Variants in MRPS11 observed in about 807,000 individuals in gnomAD.
The protein encoded by MRPS11 is mitochondrial ribosomal protein S11, also known as small ribosomal subunit protein uS11m.
MRPS11 carries 27 observed loss-of-function variants against 24.3 expected under a neutral mutation model. The observed-to-expected ratio is 1.11, with a 90% confidence interval of 0.82 to 1.53. The LOEUF (loss-of-function observed/expected upper bound fraction) is 1.53. Among genes scored for constraint, MRPS11 ranks in the 40% most tolerant of loss-of-function variants. The pLI is 0.00. For missense variants in MRPS11, 277 were observed against 256.5 expected, an observed-to-expected ratio of 1.08 and a Z score of -0.55; for synonymous variants, 104 against 98.7, an observed-to-expected ratio of 1.05 and a Z score of -0.32.
rs1327801161 is a variant in MRPS11 at position 88,479,788 on chromosome 15, A to C, written c.*1809A>C. 6.6e-6 allele frequency: 1 copy of C among 152,298 alleles called. No homozygotes were observed. Among genetic ancestry groups the C allele is most frequent in the African/African-American group, 2.4e-5 (1 of 41,476 alleles). 9.4% of individuals were successfully genotyped at this position (152,298 alleles called of 1,614,324 possible). A position where few individuals can be genotyped will look rare whatever the true frequency, so the allele number is the denominator to read the frequency against. ...GGGCCCGTAGCCATCAGACAGTTCA[A>C]TCAGGGTCTGAGCAGGAAACAGCTC... On this transcript the variant is annotated 3_prime_UTR_variant, in exon 6 of 6. Coordinates refer to ENST00000325844, the MANE Select transcript of MRPS11 (RefSeq NM_022839.5).
rs2055872693 is a variant in MRPS11, at chr15:88,478,645, TCCC to T, written c.*667_*669del. 1 of 152,732 alleles carries T rather than the reference TCCC, an allele frequency of 6.5e-6. No homozygotes were observed. The highest frequency in any genetic ancestry group is 1.5e-5 in the Non-Finnish European group (1 of 68,474). The allele number at this position is 152,732 out of a possible 1,614,324, so 9.5% of individuals were successfully genotyped here. A position where few individuals can be genotyped will look rare whatever the true frequency, so the allele number is the denominator to read the frequency against. ...GTTTACACTCCATGGGCTTCAGCAG[TCCC>T]AGCACTAACGAGAGAGTGCCCTAAA... On this transcript the variant is annotated 3_prime_UTR_variant, in exon 6 of 6. Coordinates refer to ENST00000325844, the MANE Select transcript of MRPS11 (RefSeq NM_022839.5). The surrounding 1 kb of genome is among the most constrained non-coding windows in gnomAD (Gnocchi z 4.7).
Position 88,478,258 on chromosome 15 carries a change from C to G in MRPS11, c.*279C>G. On this transcript the variant is annotated 3_prime_UTR_variant, in exon 6 of 6. Coordinates refer to ENST00000325844, the MANE Select transcript of MRPS11 (RefSeq NM_022839.5). The surrounding 1 kb of genome is among the most constrained non-coding windows in gnomAD (Gnocchi z 4.7). ...TCTGAGAAAATAAATATCTGTACCA[C>G]CTGTCATAATTTTGAGATTTTTTGC... The G allele has an allele frequency of 2.4e-6, 1 of 421,192 alleles. No individual in the cohort carries two copies. Among genetic ancestry groups the G allele is most frequent in the Non-Finnish European group, 4.3e-6 (1 of 234,994 alleles). 26.1% of individuals were successfully genotyped at this position (421,192 alleles called of 1,614,324 possible).
chr15:88,474,559 CA>C (rs61044753), intron 3 of MRPS11, among the ~76,000 whole-genome samples: 14,137 of 138,460 alleles, frequency 0.1, 2,257 homozygotes, highest in African/African-American at 0.35. Context: ...AACTCCATCT[CA>C]AAAAAAAAAA....
At chr15:88,474,336 G>C (rs891586461) in intron 3 of MRPS11, among the ~76,000 whole-genome samples, 3 of 152,220 alleles carry the variant, frequency 2.0e-5, no homozygotes, top group Non-Finnish European at 4.4e-5. Context: ...AAGGCGGGCA[G>C]ATCACCTGAG....
chr15:88,468,341 T>G, intron 2 of MRPS11: 1 of 1,118,446 alleles, frequency 8.9e-7, no homozygotes, highest in South Asian at 2.4e-5. Flanking sequence ...CCAATAACCT[T>G]CCCTGCCTCC....
chr15:88,468,003 C>T lies in MRPS11; in HGVS notation c.161C>T (p.Ala54Val), dbSNP rs761489372. The T allele has an allele frequency of 3.7e-6, 6 of 1,604,982 alleles. No individual in the cohort carries two copies. In the Admixed American group the frequency reaches 6.8e-5, roughly 18 times the overall value. The change falls in exon 2 of 6, where the codon GCT (alanine) becomes GTT (valine). Residue 54 changes from alanine to valine, a missense_variant. Transcript: ENST00000325844. ...AAGCAGAAAGTTGAACAGAACGCGG[C>T]TCCCAGCCACACCAAGTTCAGGTGA... ...AAKQKVEQNA[A>V]PSHTKFSIYP... is the part of the protein sequence containing the mutation.
chr15:88,468,320 A>G, intron 2 of MRPS11: 1 of 1,178,894 alleles, frequency 8.5e-7, no homozygotes, highest in Non-Finnish European at 1.1e-6. Context: ...TGAGATGGAG[A>G]TCTTTTCAGA....
chr15:88,472,373 G>A, intron 2 of MRPS11: 1 of 399,044 alleles, frequency 2.5e-6, no homozygotes, highest in South Asian at 2.8e-5. Context: ...AAGATGGGGA[G>A]TATGCATGAA....
At chr15:88,473,415 AC>A (rs1346817067) in intron 3 of MRPS11, among the ~76,000 whole-genome samples, 1 of 152,232 alleles carries the variant, frequency 6.6e-6, no homozygotes, top group African/African-American at 2.4e-5. Context: ...CAATTTAGAG[AC>A]CAGCACAAGA....
chr15:88,475,181 G>T lies in MRPS11; in HGVS notation c.353G>T (p.Arg118Leu). 6.2e-7 allele frequency: 1 copy of T among 1,614,198 alleles called. No homozygotes were observed. Among genetic ancestry groups the T allele is most frequent in the Non-Finnish European group, 8.5e-7 (1 of 1,180,028 alleles). ...GCTTCCTGTGGCACAGAGGGATTTC[G>T]GAATGCCAAGAAGGGCACAGGCATC... Reference protein sequence around the residue: ...AFASCGTEGFRNAKKGTGIAA... With the variant: ...AFASCGTEGFLNAKKGTGIAA... Residue 118 changes from arginine (R) to leucine (L), a missense_variant, in exon 4 of 6, where the codon CGG (arginine) becomes CTG (leucine). Coordinates refer to ENST00000325844, the MANE Select transcript of MRPS11 (RefSeq NM_022839.5). The surrounding 1 kb of genome is among the most constrained non-coding windows in gnomAD (Gnocchi z 4.1).
intron 2 of MRPS11, among the ~76,000 whole-genome samples, chr15:88,471,046 G>T (rs2055689160): frequency 6.6e-6 from 1 of 152,212 alleles, no homozygotes; most frequent in South Asian, 2.1e-4. Flanking sequence ...ACAGGAGAGA[G>T]CGCAAAGGCT....
chr15:88,479,000 T>C lies in MRPS11; in HGVS notation c.*1021T>C, dbSNP rs971812611. ...AGACTGTCTCAAAAAAATAAATAAA[T>C]ATAAATAAAAATTTAAAAAAATTAA... On this transcript the variant is annotated 3_prime_UTR_variant, in exon 6 of 6. Coordinates refer to ENST00000325844, the MANE Select transcript of MRPS11 (RefSeq NM_022839.5). The surrounding 1 kb of genome is among the most constrained non-coding windows in gnomAD (Gnocchi z 4.7). The C allele has an allele frequency of 6.7e-5, 10 of 149,180 alleles. No homozygotes were observed. The East Asian group carries it at 1.6e-3, about 23-fold the overall frequency. The allele number at this position is 149,180 out of a possible 1,614,324, so 9.2% of individuals were successfully genotyped here.
Position 88,472,732 on chromosome 15 carries a change from G to A in MRPS11, c.281+7G>A. ...TTAAAGCATCCCACAACAAGTAAGT[G>A]GGAAGGGAAACACTGGGCAGGTCTA... On this transcript the variant is annotated splice_region_variant and intron_variant, in intron 3 of 5. Transcript: ENST00000325844. 1 of 1,608,682 alleles carries A rather than the reference G, an allele frequency of 6.2e-7. No individual in the cohort carries two copies. Among genetic ancestry groups the A allele is most frequent in the East Asian group, 2.2e-5 (1 of 44,838 alleles).
At position 88,477,743 on chromosome 15, in the gene MRPS11, A is replaced by G. The variant is rs1260668475; in HGVS notation, c.478-129A>G. 1.3e-6 allele frequency: 1 copy of G among 765,646 alleles called. No homozygotes were observed. Among genetic ancestry groups the G allele is most frequent in the East Asian group, 2.7e-5 (1 of 37,516 alleles). The allele number at this position is 765,646 out of a possible 1,614,324, so 47.4% of individuals were successfully genotyped here. On this transcript the variant is annotated intron_variant, in intron 5 of 5. Transcript: ENST00000325844. This position sits in a 1 kb window ranked among gnomAD's most constrained non-coding sequence, Gnocchi z 5.7. ...ATAGGATTGGGATTATAGGTATCAA[A>G]GCCAGTGAGCATCTCACCCCTCCGT...
intron 3 of MRPS11, 157 bp from the exon 4 acceptor site, chr15:88,474,953 C>T: frequency 2.5e-6 from 2 of 803,728 alleles, no homozygotes; most frequent in Non-Finnish European, 3.8e-6. Context: ...CCTGATACTT[C>T]CTGTAGGAGT....
chr15:88,475,047 T>C lies in MRPS11; in HGVS notation c.282-63T>C, dbSNP rs1329582658. ...TCACCCAGGCTTCTAGGGGCATAGA[T>C]TAGCTCTCTCTTATTTCCCTGAAGA... On this transcript the variant is annotated intron_variant, in intron 3 of 5. Coordinates refer to ENST00000325844, the MANE Select transcript of MRPS11 (RefSeq NM_022839.5). This position sits in a 1 kb window ranked among gnomAD's most constrained non-coding sequence, Gnocchi z 4.1. 4 of 1,591,126 alleles carry C rather than the reference T, an allele frequency of 2.5e-6. No individual in the cohort carries two copies. The East Asian group carries it at 6.7e-5, about 27-fold the overall frequency.
chr15:88,477,825 T>C lies in MRPS11; in HGVS notation c.478-47T>C. On this transcript the variant is annotated intron_variant, in intron 5 of 5. Coordinates refer to ENST00000325844, the MANE Select transcript of MRPS11 (RefSeq NM_022839.5). The surrounding 1 kb of genome is among the most constrained non-coding windows in gnomAD (Gnocchi z 5.7). ...AACCCTGCCTGGAGACACTGGATCA[T>C]CATTTCTGGGACCATGTCATTCTAC... The C allele has an allele frequency of 6.4e-7, 1 of 1,559,512 alleles. No homozygotes were observed.
intron 2 of MRPS11, among the ~76,000 whole-genome samples, chr15:88,470,494 T>G (rs745484197): frequency 6.6e-6 from 1 of 152,118 alleles, no homozygotes; most frequent in Non-Finnish European, 1.5e-5. Context: ...CTTTCACATT[T>G]AGAGATTTGG....
chr15:88,468,650 T>C (rs919475646), intron 2 of MRPS11: 5 of 323,972 alleles, frequency 1.5e-5, no homozygotes, highest in African/African-American at 1.1e-4. Context: ...CATGCAAACA[T>C]TTTAACCATA....
Sources: allele counts gnomAD v4.1 joint callset (sites outside exome capture counted in the v4.1 genomes callset), GRCh38; gene constraint gnomAD v4.1.1; non-coding constraint Gnocchi (gnomAD v3.1); transcripts MANE v1.5; gene names NCBI Gene and HGNC (gene_info 2026-07-23, HGNC 2026-07-21).